Variants in NSMCE4A observed in about 807,000 individuals in gnomAD.
NSMCE4A encodes NSE4A component of SMC5/6 complex, also known as non-structural maintenance of chromosomes element 4 homolog A.
In NSMCE4A, 40 loss-of-function variants were observed where a neutral mutation model predicts 47.9. The observed-to-expected ratio is 0.83, with a 90% CI of 0.65 to 1.09. NSMCE4A has a LOEUF of 1.09. NSMCE4A is among the 50% of genes least tolerant of loss of function. NSMCE4A has a pLI of 0.00. For synonymous variants in NSMCE4A, 166 were observed against 178.5 expected (o/e 0.93, Z 0.56); for missense variants, 500 against 507.0 (o/e 0.99, Z 0.13).
chr10:121,967,050 A>G (rs1392355685), intron 4 of NSMCE4A: 1 of 152,260 alleles, frequency 6.6e-6, no homozygotes, highest in African/African-American at 2.4e-5. Flanking sequence ...TCATCCTCCT[A>G]TATGATAAGG....
chr10:121,964,605 C>A (rs555007583), intron 5 of NSMCE4A, among the ~76,000 whole-genome samples: 1 of 151,530 alleles, frequency 6.6e-6, no homozygotes, highest in Admixed American at 6.6e-5. Flanking sequence ...CCATACCTAG[C>A]TAATTTCTGT....
chr10:121,965,177 TGGCTCCAGACCCGCACAC>T, intron 5 of NSMCE4A, 91 bp downstream of exon 5: 1 of 628,138 alleles, frequency 1.6e-6, no homozygotes, highest in South Asian at 2.1e-5. Flanking sequence ...TGACAAAACC[TGGCTCCAGACCCGCACAC>T]TTAGAAAAAA....
chr10:121,967,845 A>G, intron 3 of NSMCE4A, 39 bp from the exon 4 acceptor site: 1 of 1,584,762 alleles, frequency 6.3e-7, no homozygotes, highest in Non-Finnish European at 8.6e-7. Flanking sequence ...CAGTTAAGCC[A>G]CATGCAATCA....
intron 6 of NSMCE4A, among the ~76,000 whole-genome samples, chr10:121,962,403 A>G (rs1463986479): frequency 2.0e-5 from 3 of 150,048 alleles, no homozygotes; most frequent in African/African-American, 7.3e-5. Flanking sequence ...TGGGCGACAG[A>G]GCGAGACTCT....
In NSMCE4A at chr10:121,970,957, T is replaced by G; in HGVS notation, c.483A>C (p.Leu161Phe). 1.2e-6 allele frequency: 2 copies of G among 1,612,196 alleles called. No homozygotes were observed. The highest frequency in any genetic ancestry group is 1.7e-6 in the Non-Finnish European group (2 of 1,179,152). Residue 161 changes from leucine (L) to phenylalanine (F), a missense_variant, in exon 3 of 11, where the codon TTA (leucine) becomes TTC (phenylalanine). Leu to Phe is a conservative substitution (Grantham distance 22). Coordinates refer to ENST00000369023, the MANE Select transcript of NSMCE4A (RefSeq NM_017615.3). ...LRSDLSSFDM[L>F]RYVETLLTHM... ...AACTTACTAGAGTTTCAACATATCT[T>G]AACATGTCAAAGGAGCTCAGGTCTG...
intron 4 of NSMCE4A, 67 bp downstream of exon 4, chr10:121,967,588 C>T: frequency 1.3e-6 from 2 of 1,495,690 alleles, no homozygotes; most frequent in Non-Finnish European, 1.8e-6. Flanking sequence ...TAATCTTTGT[C>T]CCTACAAGAA....
chr10:121,974,536 C>T, intron 1 of NSMCE4A: 2 of 1,011,414 alleles, frequency 2.0e-6, no homozygotes, highest in Non-Finnish European at 2.4e-6. Context: ...GGAGCCCACG[C>T]CGAGGACTGC....
At chr10:121,969,195 C>T (rs11200293) in intron 3 of NSMCE4A, among the ~76,000 whole-genome samples, 20,343 of 151,988 alleles carry the variant, frequency 0.13, 1,575 homozygotes, top group Middle Eastern at 0.18. Context: ...ATTAGCCAGG[C>T]GTGGGGACAG....
At chr10:121,971,417 G>C (rs902345591) in intron 2 of NSMCE4A, among the ~76,000 whole-genome samples, 1 of 152,176 alleles carries the variant, frequency 6.6e-6, no homozygotes, top group Non-Finnish European at 1.5e-5. Context: ...GGCTGAGGCA[G>C]AATGGCGTGA....
intron 3 of NSMCE4A, among the ~76,000 whole-genome samples, chr10:121,968,652 C>T (rs377053469): frequency 6.6e-6 from 1 of 152,152 alleles, no homozygotes; most frequent in Non-Finnish European, 1.5e-5. Flanking sequence ...TATGAAAGTA[C>T]ATTTTTATTA....
At chr10:121,973,440 C>T (rs763698215) in intron 2 of NSMCE4A, among the ~76,000 whole-genome samples, 1 of 152,018 alleles carries the variant, frequency 6.6e-6, no homozygotes, top group Non-Finnish European at 1.5e-5. Context: ...TCAATTCAAA[C>T]TAAGGTTATT....
rs140805275 is a variant in NSMCE4A at position 121,969,083 on chromosome 10, G to A, written c.502-1277C>T. The stretch of plus-strand genomic sequence containing the variant: ...AGCTTGGCCGGGCACGGTGGCTCAT[G>A]CCTGTAATCCCAGCACTTTGGGAAG... On this transcript the variant is annotated intron_variant, in intron 3 of 10. Coordinates refer to ENST00000369023, the MANE Select transcript of NSMCE4A (RefSeq NM_017615.3). Among the ~76,000 whole-genome samples, 403 of 152,358 alleles carry A rather than the reference G, an allele frequency of 2.6e-3. 3 individuals carry two copies. The highest frequency in any genetic ancestry group is 9.3e-3 in the African/African-American group (388 of 41,582).
intron 1 of NSMCE4A, 97 bp downstream of exon 1, chr10:121,974,777 C>T (rs1226367194): frequency 3.8e-5 from 45 of 1,190,592 alleles, no homozygotes; most frequent in Middle Eastern, 3.4e-4. Context: ...GCCGGGCCTC[C>T]GCCCGGCACC....
In NSMCE4A at chr10:121,964,228, C is replaced by T. The variant is rs61874418; in HGVS notation, c.754-900G>A. 7.5e-3 allele frequency among the ~76,000 whole-genome samples: 1,072 copies of T among 143,788 alleles called. 12 individuals carry two copies. Among genetic ancestry groups the T allele is most frequent in the African/African-American group, 0.025 (968 of 38,862 alleles). The allele number at this position is 143,788 out of a possible 152,430, so 94.3% of individuals were successfully genotyped here. A position where few individuals can be genotyped will look rare whatever the true frequency, so the allele number is the denominator to read the frequency against. On this transcript the variant is annotated intron_variant, in intron 5 of 10. Transcript: ENST00000369023. ...TGCCATCTCGGCTCACTGCAACCTC[C>T]GCTTCCCAGGTTCAAGCAATTCTCC...
At chr10:121,974,848 C>A in intron 1 of NSMCE4A, 26 bp downstream of exon 1, 1 of 1,439,438 alleles carries the variant, frequency 6.9e-7, no homozygotes, top group Admixed American at 2.7e-5. Flanking sequence ...CGTCCGGGCC[C>A]GCGCCGCCCG....
intron 5 of NSMCE4A, among the ~76,000 whole-genome samples, chr10:121,963,576 G>A (rs545370701): frequency 4.0e-5 from 6 of 149,566 alleles, no homozygotes; most frequent in Admixed American, 2.0e-4. Flanking sequence ...CACTAGAAGC[G>A]TGCACCACTA....
At chr10:121,964,802 A>G (rs530412818) in intron 5 of NSMCE4A, among the ~76,000 whole-genome samples, 2 of 152,362 alleles carry the variant, frequency 1.3e-5, no homozygotes, top group South Asian at 4.1e-4. Flanking sequence ...AACCATTTTC[A>G]GGTTGAACAT....
intron 3 of NSMCE4A, among the ~76,000 whole-genome samples, chr10:121,968,577 G>C (rs182014831): frequency 1.3e-5 from 2 of 151,870 alleles, no homozygotes; most frequent in Non-Finnish European, 2.9e-5. Context: ...AAGAGTTGGC[G>C]GAAGTCAAAT....
chr10:121,961,706 ACCTCTAAGAAG>A (rs1952502198), intron 6 of NSMCE4A, 189 bp from the exon 7 acceptor site: 1 of 480,926 alleles, frequency 2.1e-6, no homozygotes, highest in African/African-American at 2.0e-5. Context: ...CCTGGAAACC[ACCTCTAAGAAG>A]CTGTGCTACA....
Sources: allele counts gnomAD v4.1 joint callset (sites outside exome capture counted in the v4.1 genomes callset), GRCh38; gene constraint gnomAD v4.1.1; transcripts MANE v1.5; gene names NCBI Gene and HGNC (gene_info 2026-07-23, HGNC 2026-07-21).